SCN1A: variants seen among roughly 807,000 people sequenced by gnomAD.
SCN1A encodes the protein sodium voltage-gated channel alpha subunit 1, also known as sodium channel protein type 1 subunit alpha.
SCN1A carries 13 observed loss-of-function variants against 193.7 expected under a neutral mutation model. That is an observed-to-expected ratio of 0.07 (90% CI 0.04 to 0.11). The LOEUF is 0.11. SCN1A is among the 10% of genes least tolerant of loss of function. The pLI is 1.00. For synonymous variants in SCN1A, 781 were observed against 843.6 expected, an observed-to-expected ratio of 0.93 and a Z score of 1.29; for missense variants, 1,432 against 2,451.1, an observed-to-expected ratio of 0.58 and a Z score of 8.78.
intron 27 of SCN1A, among the ~76,000 whole-genome samples, chr2:165,995,777 C>T (rs188930527): frequency 1.5e-4 from 23 of 151,800 alleles, no homozygotes; most frequent in Non-Finnish European, 7.4e-5. Flanking sequence ...TAATGGGGTG[C>T]TTCTAAATCT....
At position 166,116,180 on chromosome 2, in the gene SCN1A, C is replaced by T. The variant is rs544234212; in HGVS notation, c.-142+10744G>A. ...ACAGTCTTAAAAAGTAGAGATGTGG[C>T]CCACATGTTTGAAAGGTCACTGGTG... On this transcript the variant is annotated intron_variant, in intron 2 of 28. Transcript: ENST00000674923. Among the ~76,000 whole-genome samples the T allele has an allele frequency of 2.0e-5, 3 of 152,180 alleles. No individual in the cohort carries two copies. In the South Asian group the frequency reaches 6.2e-4, roughly 32 times the overall value.
chr2:166,049,600 A>G (rs1322580101), intron 9 of SCN1A, among the ~76,000 whole-genome samples: 1 of 151,972 alleles, frequency 6.6e-6, no homozygotes, highest in Admixed American at 6.6e-5. Flanking sequence ...ACATTATCTC[A>G]AAGATTCCTG....
intron 7 of SCN1A, chr2:166,053,201 G>T: frequency 1.5e-6 from 1 of 675,756 alleles, no homozygotes; most frequent in South Asian, 1.8e-5. Context: ...CTTTTATAAA[G>T]ACCTTCTTGG....
Position 165,988,277 on chromosome 2 carries a change from T to A in SCN1A, c.*2968A>T, listed in dbSNP as rs1688732798. 1 of 152,106 alleles carries A rather than the reference T, an allele frequency of 6.6e-6. No homozygotes were observed. Among genetic ancestry groups the A allele is most frequent in the Admixed American group, 6.6e-5 (1 of 15,258 alleles). The allele number at this position is 152,106 out of a possible 1,614,324, so 9.4% of individuals were successfully genotyped here. A position where few individuals can be genotyped will look rare whatever the true frequency, so the allele number is the denominator to read the frequency against. On this transcript the variant is annotated 3_prime_UTR_variant, in exon 29 of 29. Coordinates refer to ENST00000674923, the MANE Select transcript of SCN1A (RefSeq NM_001165963.4). ...AGACCCCAAGCTGAAGCAAGGCACA[T>A]CTTTGCTTCCTGCTGACTTTCATGA...
intron 23 of SCN1A, among the ~76,000 whole-genome samples, chr2:166,005,222 G>A (rs527851903): frequency 6.6e-6 from 1 of 151,370 alleles, no homozygotes; most frequent in Non-Finnish European, 1.5e-5. Context: ...ATACCAGAGA[G>A]CTTTGAATAT....
At chr2:166,030,122 C>G (rs1451721459) in intron 19 of SCN1A, among the ~76,000 whole-genome samples, 2 of 152,118 alleles carry the variant, frequency 1.3e-5, no homozygotes, top group African/African-American at 4.8e-5. Flanking sequence ...CAGAACTATG[C>G]CAAAGAAAGT....
intron 12 of SCN1A, 115 bp downstream of exon 12, chr2:166,046,655 A>G: frequency 1.0e-6 from 1 of 956,306 alleles, no homozygotes; most frequent in Non-Finnish European, 1.6e-6. Context: ...CAAAATATAG[A>G]AATCATTATT....
Position 165,992,047 on chromosome 2 carries a change from G to A in SCN1A, c.5228C>T (p.Pro1743Leu). Residue 1743 changes from proline to leucine, a missense_variant, in exon 29 of 29, where the codon CCT becomes CTT. Pro to Leu is a moderately conservative substitution (Grantham distance 98). Coordinates refer to ENST00000674923, the MANE Select transcript of SCN1A (RefSeq NM_001165963.4). This position sits in a 1 kb window ranked among gnomAD's most constrained non-coding sequence, Gnocchi z 6.5. ...TGAGCTTCCAGGGTTAACTTTATTAGGGTCACAGTCGGGTGGCTTACTGTT... is the reference window on the plus strand; with the variant it reads ...TGAGCTTCCAGGGTTAACTTTATTAAGGTCACAGTCGGGTGGCTTACTGTT... ...ILNSKPPDCDPNKVNPGSSVK... is the reference protein window; with the variant it reads ...ILNSKPPDCDLNKVNPGSSVK... 1 of 1,613,974 alleles carries A rather than the reference G, an allele frequency of 6.2e-7. No individual in the cohort carries two copies.
intron 2 of SCN1A, among the ~76,000 whole-genome samples, chr2:166,108,774 C>CT (rs1443917325): frequency 6.6e-6 from 1 of 152,054 alleles, no homozygotes; most frequent in Non-Finnish European, 1.5e-5. Flanking sequence ...ACAGAGACAG[C>CT]AAATAGTGAT....
intron 19 of SCN1A, among the ~76,000 whole-genome samples, chr2:166,033,209 G>T (rs1031585253): frequency 6.6e-6 from 1 of 152,138 alleles, no homozygotes; most frequent in African/African-American, 2.4e-5. Flanking sequence ...TCTGCCTAGG[G>T]TTAGGAAGGC....
rs935553314 is a variant in SCN1A, at chr2:166,039,721, A to G, written c.2416-125T>C. Reference sequence around the variant, plus strand: ...GATTCTATTACTAACTTAAATTTGTATGGCAATTTGTAGTTGATGAAAGAC... The same window carrying G: ...GATTCTATTACTAACTTAAATTTGTGTGGCAATTTGTAGTTGATGAAAGAC... On this transcript the variant is annotated intron_variant, in intron 16 of 28. Coordinates refer to ENST00000674923, the MANE Select transcript of SCN1A (RefSeq NM_001165963.4). The G allele has an allele frequency of 1.1e-5, 9 of 850,928 alleles. No homozygotes were observed. The African/African-American group carries it at 1.2e-4, about 11-fold the overall frequency. The allele number at this position is 850,928 out of a possible 1,614,324, so 52.7% of individuals were successfully genotyped here.
intron 2 of SCN1A, among the ~76,000 whole-genome samples, chr2:166,106,300 A>T (rs1280349474): frequency 6.6e-6 from 1 of 152,172 alleles, no homozygotes; most frequent in Admixed American, 6.5e-5. Flanking sequence ...AACCATAAAG[A>T]TGTAAGAGAA....
intron 1 of SCN1A, among the ~76,000 whole-genome samples, chr2:166,127,390 C>T (rs1398961176): frequency 1.3e-5 from 2 of 152,152 alleles, no homozygotes; most frequent in African/African-American, 4.8e-5. Flanking sequence ...GACCTCTATT[C>T]CCAGCCAGCT....
chr2:166,071,545 G>T (rs1440262646), intron 4 of SCN1A: 2 of 149,732 alleles, frequency 1.3e-5, no homozygotes, highest in Non-Finnish European at 3.0e-5. Flanking sequence ...ATGTAATTTA[G>T]ATTTGTAGAT....
intron 4 of SCN1A, among the ~76,000 whole-genome samples, chr2:166,065,376 T>C (rs140605245): frequency 1.1e-4 from 16 of 152,288 alleles, no homozygotes; most frequent in African/African-American, 3.8e-4. Context: ...GGAGATTCCA[T>C]TAGTATAATA....
chr2:166,074,890 T>C (rs892880431), intron 3 of SCN1A, among the ~76,000 whole-genome samples: 3 of 152,156 alleles, frequency 2.0e-5, no homozygotes, highest in Non-Finnish European at 4.4e-5. Context: ...ACCATATTTT[T>C]CAGAGTGGAT....
At chr2:166,027,336 G>A (rs1237060471) in intron 19 of SCN1A, 1 of 152,104 alleles carries the variant, frequency 6.6e-6, no homozygotes, top group African/African-American at 2.4e-5. Flanking sequence ...GCAAAACAAA[G>A]CAAGGCAAAG....
At chr2:166,138,009 G>A (rs1691931282) in intron 1 of SCN1A, among the ~76,000 whole-genome samples, 1 of 152,142 alleles carries the variant, frequency 6.6e-6, no homozygotes, top group Non-Finnish European at 1.5e-5. Flanking sequence ...AGAGACTGGT[G>A]GCATTTTGTC....
chr2:165,991,193 C>G lies in SCN1A; in HGVS notation c.*52G>C. On this transcript the variant is annotated 3_prime_UTR_variant, in exon 29 of 29. Transcript: ENST00000674923. ...GAGTCCTGTTGATAAAAATACATCA[C>G]CTTCACAGGCTGTAAACAATTTGTC... 2 of 1,496,352 alleles carry G rather than the reference C, an allele frequency of 1.3e-6. No individual in the cohort carries two copies. The highest frequency in any genetic ancestry group is 9.1e-7 in the Non-Finnish European group (1 of 1,098,594). 92.7% of individuals were successfully genotyped at this position (1,496,352 alleles called of 1,614,324 possible).
Sources: allele counts gnomAD v4.1 joint callset (sites outside exome capture counted in the v4.1 genomes callset), GRCh38; gene constraint gnomAD v4.1.1; non-coding constraint Gnocchi (gnomAD v3.1); transcripts MANE v1.5; gene names NCBI Gene and HGNC (gene_info 2026-07-23, HGNC 2026-07-21).